OR2I1: variants seen among roughly 807,000 people sequenced by gnomAD.
OR2I1 encodes olfactory receptor family 2 subfamily I member 1 (gene/pseudogene).
At chr6:29,556,167 C>G in the OR2I1 span, 5 of 1,613,092 alleles carry the variant, frequency 3.1e-6, no homozygotes, top group South Asian at 5.5e-5. Context: ...ATGGTCTTCT[C>G]TTTGTCAATG....
At chr6:29,555,663 A>G in the OR2I1 span, 5 of 567,284 alleles carry the variant, frequency 8.8e-6, no homozygotes, top group African/African-American at 9.3e-5. Flanking sequence ...AGTCTCAGTA[A>G]TACATTAGTA....
At chr6:29,556,085 T>G in the OR2I1 span, 1 of 1,612,980 alleles carries the variant, frequency 6.2e-7, no homozygotes, top group East Asian at 2.2e-5. Context: ...CCTCTTTGCC[T>G]CATCACCTGA....
At chr6:29,552,986 A>G in the OR2I1 span, 1 of 361,652 alleles carries the variant, frequency 2.8e-6, no homozygotes, top group African/African-American at 2.1e-5. Flanking sequence ...GGAGGTGATC[A>G]TTCTGCCTAC....
chr6:29,553,726 C>G, the OR2I1 span: 1 of 398,586 alleles, frequency 2.5e-6, no homozygotes, highest in Non-Finnish European at 4.4e-6. Flanking sequence ...GCTGTGCGCG[C>G]CCCGCCTGCT....
chr6:29,553,144 A>T, the OR2I1 span: 1 of 398,078 alleles, frequency 2.5e-6, no homozygotes, highest in Non-Finnish European at 4.4e-6. Flanking sequence ...CCACACTCCA[A>T]GGTTTTCCCT....
At chr6:29,554,224 G>A in the OR2I1 span, 4 of 398,418 alleles carry the variant, frequency 1.0e-5, no homozygotes, top group Non-Finnish European at 1.3e-5. Flanking sequence ...ATACCCCTTA[G>A]TGAGTCAGTT....
the OR2I1 span, chr6:29,555,509 G>A: frequency 2.2e-4 from 50 of 227,098 alleles, no homozygotes; most frequent in Admixed American, 2.5e-3. Context: ...GAAATCAGTA[G>A]AACATGGATC....
At chr6:29,553,829 T>C in the OR2I1 span, 1 of 398,734 alleles carries the variant, frequency 2.5e-6, no homozygotes, top group Non-Finnish European at 4.4e-6. Context: ...GCCGCCCGCG[T>C]GGTCATCCTG....
the OR2I1 span, chr6:29,554,097 G>A: frequency 4.3e-5 from 17 of 399,052 alleles, no homozygotes; most frequent in Non-Finnish European, 7.1e-5. Context: ...ACACCCTCAG[G>A]AATAAGAAAG....
the OR2I1 span, chr6:29,554,729 G>T: frequency 1.3e-5 from 2 of 152,172 alleles, no homozygotes; most frequent in East Asian, 1.9e-4. Flanking sequence ...GCAGGAGTTG[G>T]TTCTTGAGCA....
chr6:29,556,301 G>C, the OR2I1 span: 1 of 1,613,008 alleles, frequency 6.2e-7, no homozygotes, highest in Non-Finnish European at 8.5e-7. Context: ...GCTGTCATAT[G>C]GGTTGGCATC....
the OR2I1 span, chr6:29,553,088 A>G: frequency 6.3e-4 from 252 of 397,606 alleles, 4 homozygotes; most frequent in South Asian, 0.012. Context: ...ATTACAATCC[A>G]CAAACTGACC....
chr6:29,556,473 C>T, the OR2I1 span: 5 of 647,280 alleles, frequency 7.7e-6, no homozygotes, highest in Middle Eastern at 2.7e-4. Flanking sequence ...TATTCAGTAG[C>T]CAGTGTCCCT....
At chr6:29,553,352 T>C in the OR2I1 span, 1 of 399,468 alleles carries the variant, frequency 2.5e-6, no homozygotes. Context: ...TCGGCGCTGG[T>C]GCTGCTGGCG....
chr6:29,557,075 G>A, the OR2I1 span: 2 of 152,210 alleles, frequency 1.3e-5, no homozygotes, highest in Non-Finnish European at 1.5e-5. Context: ...GAGATTATAA[G>A]ACTGAGAGAA....
the OR2I1 span, chr6:29,550,811 C>G: frequency 6.6e-6 from 1 of 152,322 alleles, no homozygotes; most frequent in East Asian, 1.9e-4. Flanking sequence ...AACCTATCAT[C>G]TGGAAACTCA....
the OR2I1 span, chr6:29,556,380 C>T: frequency 1.2e-3 from 1,908 of 1,565,606 alleles, 45 homozygotes; most frequent in East Asian, 0.04. Context: ...AGACAGTTAC[C>T]TAGGATGCCT....
At chr6:29,554,042 C>G in the OR2I1 span, 1 of 398,910 alleles carries the variant, frequency 2.5e-6, no homozygotes, top group Non-Finnish European at 4.4e-6. Context: ...AAGTTCGTAT[C>G]GCTCTTCTAC....
the OR2I1 span, chr6:29,556,418 A>G: frequency 8.6e-7 from 1 of 1,168,162 alleles, no homozygotes; most frequent in Non-Finnish European, 1.2e-6. Context: ...ACTCCCCACC[A>G]CAATGGCTCC....
Sources: allele counts gnomAD v4.1 joint callset, GRCh38; gene constraint gnomAD v4.1.1; transcripts MANE v1.5; gene names NCBI Gene and HGNC (gene_info 2026-07-23, HGNC 2026-07-21).